The following TRAPPC9 variants were observed in gnomAD, a reference collection of about 807,000 sequenced individuals.
The protein encoded by TRAPPC9 is IKK2 binding protein.
A neutral mutation model predicts 124.0 loss-of-function variants in TRAPPC9; 83 were observed. That is an observed-to-expected ratio of 0.67 (90% CI 0.56 to 0.80). The LOEUF is 0.80. Ranked by LOEUF, TRAPPC9 falls within the 30% of genes least tolerant of loss-of-function variation. The pLI is 0.00. For missense variants in TRAPPC9, 1,302 were observed against 1,508.3 expected, an observed-to-expected ratio of 0.86 and a Z score of 2.27; for synonymous variants, 638 against 617.5, an observed-to-expected ratio of 1.03 and a Z score of -0.49.
At chr8:139,861,595 C>T (rs955453469) in intron 21 of TRAPPC9, among the ~76,000 whole-genome samples, 6 of 152,204 alleles carry the variant, frequency 3.9e-5, no homozygotes, top group African/African-American at 1.4e-4. Flanking sequence ...GAGAGCTGAA[C>T]ATACTGACGT....
At position 140,182,745 on chromosome 8, in the gene TRAPPC9, TG is replaced by T. The variant is rs1248060053; in HGVS notation, c.2556+38713del. 6.6e-6 allele frequency among the ~76,000 whole-genome samples: 1 copy of T among 152,184 alleles called. No individual in the cohort carries two copies. Among genetic ancestry groups the T allele is most frequent in the African/African-American group, 2.4e-5 (1 of 41,438 alleles). On this transcript the variant is annotated intron_variant, in intron 17 of 22. Coordinates refer to ENST00000438773, the MANE Select transcript of TRAPPC9 (RefSeq NM_001160372.4). This position sits in a 1 kb window ranked among gnomAD's most constrained non-coding sequence, Gnocchi z 4.0. Reference sequence around the variant, plus strand: ...CTTGGCAATCATGACCCTCTTGACCTGGCCTTGACCTATTACCCTCAGCTGA... The same window carrying T: ...CTTGGCAATCATGACCCTCTTGACCTGCCTTGACCTATTACCCTCAGCTGA...
intron 18 of TRAPPC9, among the ~76,000 whole-genome samples, chr8:140,017,649 A>G (rs1433456751): frequency 6.6e-6 from 1 of 152,200 alleles, no homozygotes; most frequent in Non-Finnish European, 1.5e-5. Flanking sequence ...TTAAAATCAT[A>G]CAGTGTAAGT....
At chr8:140,027,453 G>A (rs573344561) in intron 17 of TRAPPC9, among the ~76,000 whole-genome samples, 1 of 152,230 alleles carries the variant, frequency 6.6e-6, no homozygotes, top group East Asian at 1.9e-4. Flanking sequence ...CCTACAGAGA[G>A]TGATGTAAAA....
chr8:139,986,013 G>A lies in TRAPPC9; in HGVS notation c.2810+2713C>T, dbSNP rs1303479985. Among the ~76,000 whole-genome samples the A allele has an allele frequency of 3.9e-5, 6 of 152,306 alleles. No homozygotes were observed. In the East Asian group the frequency reaches 9.6e-4, roughly 24 times the overall value. On this transcript the variant is annotated intron_variant, in intron 19 of 22. Transcript: ENST00000438773. ...TAATTCCAGCACTTTGGGAGGCCGAGGCGGGCGGATCACAAGGTCAGGAGT... is the reference window on the plus strand; with the variant it reads ...TAATTCCAGCACTTTGGGAGGCCGAAGCGGGCGGATCACAAGGTCAGGAGT...
At chr8:140,414,583 G>A (rs1465211162) in intron 5 of TRAPPC9, among the ~76,000 whole-genome samples, 1 of 152,040 alleles carries the variant, frequency 6.6e-6, no homozygotes, top group African/African-American at 2.4e-5. Flanking sequence ...ATTTAAATGT[G>A]TTCTCCAACC....
In TRAPPC9 at chr8:140,058,268, G is replaced by A. The variant is rs534655007; in HGVS notation, c.2557-34189C>T. 3.4e-4 allele frequency among the ~76,000 whole-genome samples: 51 copies of A among 152,130 alleles called. No homozygotes were observed. The Middle Eastern group carries it at 0.01, about 30-fold the overall frequency. On this transcript the variant is annotated intron_variant, in intron 17 of 22. Transcript: ENST00000438773. ...TGGGGGAGGAGGTTATAGACACTAC[G>A]GTGTCACTTTGACAACTAGTTCCAA... is the stretch of plus-strand genomic sequence containing the variant.
At chr8:139,778,122 T>A (rs1821523421) in intron 21 of TRAPPC9, among the ~76,000 whole-genome samples, 1 of 152,168 alleles carries the variant, frequency 6.6e-6, no homozygotes, top group Non-Finnish European at 1.5e-5. Flanking sequence ...ATGTGCCTGA[T>A]GCTCACACAG....
intron 21 of TRAPPC9, among the ~76,000 whole-genome samples, chr8:139,832,371 G>A (rs1253747103): frequency 6.6e-6 from 1 of 152,256 alleles, no homozygotes; most frequent in South Asian, 2.1e-4. Context: ...CAGAATGCGC[G>A]GGGTGTTCGC....
intron 7 of TRAPPC9, among the ~76,000 whole-genome samples, chr8:140,378,547 G>T (rs1417498595): frequency 6.6e-6 from 1 of 152,090 alleles, no homozygotes; most frequent in African/African-American, 2.4e-5. Context: ...TTGTAATCAT[G>T]TGAGTTAATA....
At chr8:140,151,293 T>G (rs1331351140) in intron 17 of TRAPPC9, among the ~76,000 whole-genome samples, 3 of 152,112 alleles carry the variant, frequency 2.0e-5, no homozygotes, top group African/African-American at 7.2e-5. Context: ...TGGGGTTCCG[T>G]CCCATGGTGA....
chr8:140,119,771 T>C (rs1029073941), intron 17 of TRAPPC9, among the ~76,000 whole-genome samples: 31 of 152,330 alleles, frequency 2.0e-4, no homozygotes, highest in African/African-American at 7.5e-4. Context: ...CCTCATACCA[T>C]GGGGTCTCTC....
intron 21 of TRAPPC9, among the ~76,000 whole-genome samples, chr8:139,864,693 C>A (rs543609301): frequency 8.7e-5 from 13 of 148,678 alleles, no homozygotes; most frequent in African/African-American, 2.7e-4. Flanking sequence ...GCATGCCGAC[C>A]GCCAGCAAGC....
chr8:139,945,419 A>G (rs1834143496), intron 19 of TRAPPC9, among the ~76,000 whole-genome samples: 1 of 152,100 alleles, frequency 6.6e-6, no homozygotes, highest in Admixed American at 6.5e-5. Flanking sequence ...ACATATGAGG[A>G]TACAATCAAA....
At chr8:139,827,215 G>A (rs144700637) in intron 21 of TRAPPC9, among the ~76,000 whole-genome samples, 125 of 152,320 alleles carry the variant, frequency 8.2e-4, no homozygotes, top group African/African-American at 2.6e-3. Flanking sequence ...AGGGCCTCGC[G>A]GCTCAGGGTA....
At chr8:139,963,105 A>AAG (rs1835448264) in intron 19 of TRAPPC9, among the ~76,000 whole-genome samples, 2 of 152,336 alleles carry the variant, frequency 1.3e-5, no homozygotes, top group African/African-American at 4.8e-5. Context: ...TCTCTCATTA[A>AAG]AGACTACATG....
chr8:139,928,705 C>G (rs948761766), intron 19 of TRAPPC9, among the ~76,000 whole-genome samples: 4 of 151,216 alleles, frequency 2.6e-5, no homozygotes, highest in Non-Finnish European at 4.4e-5. Context: ...CATCTCCATG[C>G]TTGTGTGCTG....
intron 14 of TRAPPC9, among the ~76,000 whole-genome samples, chr8:140,281,192 G>C (rs2065311154): frequency 6.6e-6 from 1 of 152,230 alleles, no homozygotes; most frequent in African/African-American, 2.4e-5. Flanking sequence ...AAACTTATGT[G>C]TAACTTCTGA....
chr8:140,036,938 C>T (rs1377288521), intron 17 of TRAPPC9, among the ~76,000 whole-genome samples: 1 of 152,028 alleles, frequency 6.6e-6, no homozygotes, highest in Non-Finnish European at 1.5e-5. Flanking sequence ...TGGTAGTTTG[C>T]TGCACCCATT....
At chr8:140,061,404 G>A (rs975589492) in intron 17 of TRAPPC9, among the ~76,000 whole-genome samples, 12 of 152,186 alleles carry the variant, frequency 7.9e-5, no homozygotes, top group African/African-American at 1.9e-4. Flanking sequence ...ATGCTGTCTC[G>A]GAGCTGGGGA....
Sources: allele counts gnomAD v4.1 joint callset (sites outside exome capture counted in the v4.1 genomes callset), GRCh38; gene constraint gnomAD v4.1.1; non-coding constraint Gnocchi (gnomAD v3.1); transcripts MANE v1.5; gene names NCBI Gene and HGNC (gene_info 2026-07-23, HGNC 2026-07-21).